Variants in CELF2 observed in about 807,000 individuals in gnomAD.
CELF2 encodes the protein CUG triplet repeat RNA-binding protein 2.
Under a neutral mutation model 62.6 loss-of-function variants are expected in CELF2, and 8 were observed. The ratio of observed to expected loss-of-function variants is 0.13; its 90% CI spans 0.07 to 0.23. CELF2 has a LOEUF of 0.23. CELF2 is among the 10% of genes least tolerant of loss of function. The pLI is 1.00. For missense variants in CELF2, 333 were observed against 671.0 expected, an observed-to-expected ratio of 0.50 and a Z score of 5.56; for synonymous variants, 258 against 250.0, an observed-to-expected ratio of 1.03 and a Z score of -0.30.
the CELF2 span, among the ~76,000 whole-genome samples, chr10:10,752,748 G>A: frequency 1.7e-4 from 12 of 69,952 alleles, no homozygotes; most frequent in Admixed American, 8.0e-4. Flanking sequence ...AGATCTAAAA[G>A]AATTTAGGCA....
intron 1 of CELF2, among the ~76,000 whole-genome samples, chr10:11,146,934 AAAG>A (rs1444366755): frequency 2.6e-5 from 4 of 152,244 alleles, no homozygotes; most frequent in Non-Finnish European, 4.4e-5. Flanking sequence ...TGTTTATTTG[AAAG>A]AAGAAGATGG....
At chr10:10,700,846 T>C in the CELF2 span, among the ~76,000 whole-genome samples, 1 of 152,252 alleles carries the variant, frequency 6.6e-6, no homozygotes, top group East Asian at 1.9e-4. Flanking sequence ...TGCTTCTTTC[T>C]TGTTCATCAG....
At chr10:10,862,367 T>G (rs2060093358) in intron 1 of CELF2, among the ~76,000 whole-genome samples, 1 of 152,160 alleles carries the variant, frequency 6.6e-6, no homozygotes, top group African/African-American at 2.4e-5. Flanking sequence ...GGGGTGTGTA[T>G]TCAGTTTGGC....
chr10:11,208,127 G>T (rs1436230970), intron 2 of CELF2, among the ~76,000 whole-genome samples: 1 of 152,132 alleles, frequency 6.6e-6, no homozygotes. Flanking sequence ...GGCTCCTGGT[G>T]TGACTTGGGG....
At chr10:10,667,899 T>C in the CELF2 span, among the ~76,000 whole-genome samples, 1 of 152,188 alleles carries the variant, frequency 6.6e-6, no homozygotes, top group South Asian at 2.1e-4. Flanking sequence ...CATGATTCTT[T>C]GCACATCCTC....
At chr10:10,527,507 G>A in the CELF2 span, among the ~76,000 whole-genome samples, 5 of 151,280 alleles carry the variant, frequency 3.3e-5, no homozygotes, top group African/African-American at 7.3e-5. Flanking sequence ...TAATAATCAC[G>A]GGGTTCCATT....
chr10:10,497,766 G>A, the CELF2 span, among the ~76,000 whole-genome samples: 1 of 152,192 alleles, frequency 6.6e-6, no homozygotes, highest in African/African-American at 2.4e-5. Context: ...GATGAATCAG[G>A]ACAAGAGGGC....
chr10:11,293,758 T>A (rs2092818806), intron 9 of CELF2, among the ~76,000 whole-genome samples: 1 of 152,204 alleles, frequency 6.6e-6, no homozygotes, highest in African/African-American at 2.4e-5. Flanking sequence ...CCCTTGCATC[T>A]GGAGCAGCAC....
At chr10:10,810,613 G>A (rs371451319) in intron 1 of CELF2, among the ~76,000 whole-genome samples, 13 of 152,120 alleles carry the variant, frequency 8.5e-5, no homozygotes, top group African/African-American at 2.7e-4. Flanking sequence ...GCTCTAAGGG[G>A]CTCATATCAA....
Position 11,117,389 on chromosome 10 carries a change from A to G in CELF2, c.75-48097A>G, listed in dbSNP as rs2056784171. 6.6e-6 allele frequency among the ~76,000 whole-genome samples: 1 copy of G among 152,170 alleles called. No individual in the cohort carries two copies. Among genetic ancestry groups the G allele is most frequent in the Admixed American group, 6.5e-5 (1 of 15,274 alleles). On this transcript the variant is annotated intron_variant, in intron 1 of 12. Transcript: ENST00000633077. This position sits in a 1 kb window ranked among gnomAD's most constrained non-coding sequence, Gnocchi z 4.1. ...AGTCAAAATGTTTTGCCCTGTAGAAATTGGTTAGGTATCATTCGAAAAAGC... is the reference window on the plus strand; with the variant it reads ...AGTCAAAATGTTTTGCCCTGTAGAAGTTGGTTAGGTATCATTCGAAAAAGC...
chr10:10,528,542 G>A, the CELF2 span, among the ~76,000 whole-genome samples: 2 of 152,294 alleles, frequency 1.3e-5, no homozygotes, highest in African/African-American at 4.8e-5. Context: ...ACAGAGGTGA[G>A]CATGCACCCC....
intron 3 of CELF2, among the ~76,000 whole-genome samples, chr10:11,222,506 G>C (rs2065159734): frequency 6.6e-6 from 1 of 152,184 alleles, no homozygotes; most frequent in Non-Finnish European, 1.5e-5. Context: ...ACAGGTTTGA[G>C]TCCTCGAAGT....
chr10:10,908,498 G>A (rs1288703880), intron 1 of CELF2, among the ~76,000 whole-genome samples: 1 of 151,792 alleles, frequency 6.6e-6, no homozygotes, highest in East Asian at 1.9e-4. Context: ...AGGATTACAG[G>A]CATGAGCCAC....
chr10:11,114,813 A>G (rs2056171888), intron 1 of CELF2, among the ~76,000 whole-genome samples: 1 of 152,228 alleles, frequency 6.6e-6, no homozygotes, highest in Non-Finnish European at 1.5e-5. Flanking sequence ...AGAAGATGCG[A>G]TCATTTATTA....
At chr10:10,514,618 C>CG in the CELF2 span, among the ~76,000 whole-genome samples, 4 of 152,256 alleles carry the variant, frequency 2.6e-5, no homozygotes, top group East Asian at 5.8e-4. Context: ...GAATGGGATT[C>CG]AGACGTGGAT....
At chr10:11,175,409 T>G (rs889189278) in intron 2 of CELF2, among the ~76,000 whole-genome samples, 3 of 152,152 alleles carry the variant, frequency 2.0e-5, no homozygotes, top group Non-Finnish European at 4.4e-5. Context: ...ATGATTGAAG[T>G]TTTGAAGACG....
Position 11,330,059 on chromosome 10 carries a change from T to C in CELF2, c.*1006T>C, listed in dbSNP as rs1181484590. 2 of 152,688 alleles carry C rather than the reference T, an allele frequency of 1.3e-5. No individual in the cohort carries two copies. The highest frequency in any genetic ancestry group is 2.9e-5 in the Non-Finnish European group (2 of 68,048). The allele number at this position is 152,688 out of a possible 1,614,324, so 9.5% of individuals were successfully genotyped here. A position where few individuals can be genotyped will look rare whatever the true frequency, so the allele number is the denominator to read the frequency against. On this transcript the variant is annotated 3_prime_UTR_variant, in exon 13 of 13. Coordinates refer to ENST00000633077, the MANE Select transcript of CELF2 (RefSeq NM_001326342.2). This position sits in a 1 kb window ranked among gnomAD's most constrained non-coding sequence, Gnocchi z 4.5. ...GAGGAATTGTTCTAGGAATGGGCTT[T>C]TTTTCACCGTTGAACCCTAGACCTG...
chr10:10,794,746 G>C (rs546019064), upstream of CELF2: 4 of 152,204 alleles, frequency 2.6e-5, no homozygotes, highest in South Asian at 6.2e-4. Flanking sequence ...GTGCCACAAG[G>C]CCCATCCTAC....
Position 11,157,383 on chromosome 10 carries a change from G to A in CELF2, c.75-8103G>A, listed in dbSNP as rs1019195543. ...CTGTTGTCTTTTGACTTTGATATCCGCCCTCCCCCCACACACACACACACA... is the reference window on the plus strand; with the variant it reads ...CTGTTGTCTTTTGACTTTGATATCCACCCTCCCCCCACACACACACACACA... On this transcript the variant is annotated intron_variant, in intron 1 of 12. Transcript: ENST00000633077. This position sits in a 1 kb window ranked among gnomAD's most constrained non-coding sequence, Gnocchi z 4.9. Among the ~76,000 whole-genome samples the A allele has an allele frequency of 2.3e-5, 3 of 129,242 alleles. No homozygotes were observed. The highest frequency in any genetic ancestry group is 3.1e-4 in the South Asian group (1 of 3,254). The allele number at this position is 129,242 out of a possible 152,430, so 84.8% of individuals were successfully genotyped here. A position where few individuals can be genotyped will look rare whatever the true frequency, so the allele number is the denominator to read the frequency against.
Sources: allele counts gnomAD v4.1 joint callset (sites outside exome capture counted in the v4.1 genomes callset), GRCh38; gene constraint gnomAD v4.1.1; non-coding constraint Gnocchi (gnomAD v3.1); transcripts MANE v1.5; gene names NCBI Gene and HGNC (gene_info 2026-07-23, HGNC 2026-07-21).